ASB3: variants seen among roughly 807,000 people sequenced by gnomAD.
ASB3 encodes ankyrin repeat and SOCS box protein 3.
In ASB3, 41 loss-of-function variants were observed where a neutral mutation model predicts 54.5. That is an observed-to-expected ratio of 0.75 (90% CI 0.59 to 0.98). The LOEUF (loss-of-function observed/expected upper bound fraction) is 0.98, where lower values mean the gene tolerates loss of function less well. Among genes scored for constraint, ASB3 ranks in the 50% least tolerant of loss-of-function variants. The pLI, the probability that ASB3 is intolerant of heterozygous loss-of-function variation, is 0.00. For missense variants in ASB3, 733 were observed against 620.0 expected (o/e 1.18, Z -1.94); for synonymous variants, 266 against 221.2 (o/e 1.20, Z -1.80).
rs1364385934 is a variant in ASB3 at position 53,678,048 on chromosome 2, G to C, written c.1370-7358C>G. Among the ~76,000 whole-genome samples the C allele has an allele frequency of 2.0e-5, 3 of 151,478 alleles. No homozygotes were observed. In the East Asian group the frequency reaches 5.8e-4, roughly 29 times the overall value. On this transcript the variant is annotated intron_variant, in intron 9 of 9. Coordinates refer to ENST00000263634, the MANE Select transcript of ASB3 (RefSeq NM_016115.5). ...TTTAAAGTGTACAATGTGATGTTTT[G>C]TATGCTTATGTTGATATACCTACCA...
At chr2:53,679,440 C>T (rs1225510219) in intron 9 of ASB3, among the ~76,000 whole-genome samples, 1 of 152,064 alleles carries the variant, frequency 6.6e-6, no homozygotes, top group Non-Finnish European at 1.5e-5. Flanking sequence ...GCTTCCAATC[C>T]CCAAGCTACA....
intron 5 of ASB3, among the ~76,000 whole-genome samples, chr2:53,718,870 T>C: frequency 6.6e-6 from 1 of 151,984 alleles, no homozygotes; most frequent in Non-Finnish European, 1.5e-5. Context: ...TGAAAAAAGA[T>C]TTATCAACCA....
chr2:53,768,215 G>A (rs1277909038), intron 1 of ASB3: 8 of 621,100 alleles, frequency 1.3e-5, no homozygotes, highest in Middle Eastern at 9.1e-4. Context: ...CACTCCTTCC[G>A]AAGCTGCTTA....
intron 3 of ASB3, among the ~76,000 whole-genome samples, chr2:53,732,031 T>A (rs1671347504): frequency 1.3e-5 from 2 of 151,966 alleles, no homozygotes; most frequent in Admixed American, 1.3e-4. Flanking sequence ...AAACTCGGCT[T>A]ACTGCAACCT....
intron 9 of ASB3, 39 bp from the exon 10 acceptor site, chr2:53,670,729 C>G (rs564659688): frequency 6.3e-7 from 1 of 1,582,638 alleles, no homozygotes; most frequent in East Asian, 2.3e-5. Flanking sequence ...CTTTTTTAAA[C>G]AGAAAGATGT....
intron 7 of ASB3, among the ~76,000 whole-genome samples, chr2:53,708,602 T>C (rs554816272): frequency 1.3e-5 from 2 of 152,228 alleles, no homozygotes; most frequent in South Asian, 2.1e-4. Context: ...GAGGGAAAGT[T>C]TGGAACTCCC....
chr2:53,771,491 C>T (rs894667798), intron 1 of ASB3, among the ~76,000 whole-genome samples: 1 of 152,036 alleles, frequency 6.6e-6, no homozygotes, highest in Non-Finnish European at 1.5e-5. Flanking sequence ...CCAGCCTGGG[C>T]TTGTTGAGCA....
chr2:53,726,186 C>G (rs1289608001), intron 5 of ASB3, among the ~76,000 whole-genome samples: 1 of 151,438 alleles, frequency 6.6e-6, no homozygotes, highest in Admixed American at 6.6e-5. Flanking sequence ...GAGCTCAGAG[C>G]TCCAGGCGAC....
chr2:53,693,290 T>C (rs1351120776), intron 9 of ASB3, among the ~76,000 whole-genome samples: 2 of 152,182 alleles, frequency 1.3e-5, no homozygotes, highest in Non-Finnish European at 2.9e-5. Flanking sequence ...TTTCTTTCAT[T>C]TTTTCAACTA....
intron 3 of ASB3, among the ~76,000 whole-genome samples, chr2:53,736,464 C>T (rs796834720): frequency 2.0e-4 from 30 of 152,162 alleles, no homozygotes; most frequent in African/African-American, 6.7e-4. Context: ...TTTGGGAGGC[C>T]GAGGCAGGCG....
At chr2:53,769,782 C>A (rs981991154) in intron 1 of ASB3, among the ~76,000 whole-genome samples, 1 of 152,094 alleles carries the variant, frequency 6.6e-6, no homozygotes, top group African/African-American at 2.4e-5. Flanking sequence ...GCAGACGTTG[C>A]GGTGAGCTGA....
At chr2:53,688,579 A>C (rs1668750594) in intron 9 of ASB3, among the ~76,000 whole-genome samples, 1 of 152,228 alleles carries the variant, frequency 6.6e-6, no homozygotes, top group Admixed American at 6.5e-5. Context: ...TGAGGTAGCT[A>C]CTATTACCAT....
intron 1 of ASB3, chr2:53,771,948 G>C: frequency 6.8e-7 from 1 of 1,475,880 alleles, no homozygotes; most frequent in Non-Finnish European, 9.2e-7. Flanking sequence ...CTGCGGTATG[G>C]TATAAATATT....
intron 3 of ASB3, among the ~76,000 whole-genome samples, chr2:53,746,354 A>C (rs987360391): frequency 1.3e-5 from 2 of 152,174 alleles, no homozygotes; most frequent in Admixed American, 6.5e-5. Flanking sequence ...CCTATTATTC[A>C]TGATGCAGAG....
At chr2:53,735,444 A>C (rs1410528173) in intron 3 of ASB3, among the ~76,000 whole-genome samples, 1 of 151,658 alleles carries the variant, frequency 6.6e-6, no homozygotes. Context: ...CAAAACCTCT[A>C]AACTGTAAAC....
intron 3 of ASB3, among the ~76,000 whole-genome samples, chr2:53,743,949 A>G (rs140071766): frequency 6.6e-6 from 1 of 152,004 alleles, no homozygotes; most frequent in African/African-American, 2.4e-5. Context: ...AGGCTAAGGC[A>G]CAAGAATCCC....
chr2:53,718,233 A>T (rs1670505698), intron 5 of ASB3, among the ~76,000 whole-genome samples: 1 of 152,134 alleles, frequency 6.6e-6, no homozygotes, highest in Non-Finnish European at 1.5e-5. Flanking sequence ...CAGTCACCAG[A>T]CTGTTGAAGG....
chr2:53,756,395 AG>A (rs11344192), intron 2 of ASB3, among the ~76,000 whole-genome samples: 13,191 of 152,248 alleles, frequency 0.087, 713 homozygotes, highest in African/African-American at 0.17. Context: ...TGATTAACAT[AG>A]CATACAATTT....
intron 9 of ASB3, among the ~76,000 whole-genome samples, chr2:53,692,889 C>T (rs1487816683): frequency 2.6e-5 from 4 of 152,100 alleles, no homozygotes; most frequent in Admixed American, 6.6e-5. Flanking sequence ...AAATTCTATA[C>T]TAGAAGGCTG....
Sources: allele counts gnomAD v4.1 joint callset (sites outside exome capture counted in the v4.1 genomes callset), GRCh38; gene constraint gnomAD v4.1.1; transcripts MANE v1.5; gene names NCBI Gene and HGNC (gene_info 2026-07-23, HGNC 2026-07-21).